The following EHBP1 variants were observed in gnomAD, a reference collection of about 807,000 sequenced individuals.
EHBP1 encodes EH domain-binding protein 1.
Under a neutral mutation model 144.0 loss-of-function variants are expected in EHBP1, and 55 were observed. The ratio of observed to expected loss-of-function variants is 0.38; its 90% CI spans 0.31 to 0.48. The LOEUF (loss-of-function observed/expected upper bound fraction) is 0.48. Ranked by LOEUF, EHBP1 falls within the 20% of genes least tolerant of loss-of-function variation. The probability of loss-of-function intolerance (pLI) is 0.98; values close to 1 mark genes in which losing one functional copy is unlikely to be tolerated. For missense variants in EHBP1, 1,200 were observed against 1,364.2 expected (o/e 0.88, Z 1.90); for synonymous variants, 469 against 472.7 (o/e 0.99, Z 0.10).
chr2:62,839,959 G>A (rs961741568), intron 7 of EHBP1, among the ~76,000 whole-genome samples: 32 of 152,244 alleles, frequency 2.1e-4, no homozygotes, highest in African/African-American at 7.7e-4. Flanking sequence ...AGGTACCAAT[G>A]ACTTTCTTCA....
Position 62,707,037 on chromosome 2 carries a change from ACAGG to A in EHBP1, c.-154_-151del. The A allele has an allele frequency of 1.7e-6, 1 of 604,368 alleles. No homozygotes were observed. Among genetic ancestry groups the A allele is most frequent in the Non-Finnish European group, 3.0e-6 (1 of 334,626 alleles). 37.4% of individuals were successfully genotyped at this position (604,368 alleles called of 1,614,324 possible). ...TCTAAGATGGGATTTACCCTGTGAAACAGGGAGAAGACTTATGGACCCCAAGCAT... is the reference window on the plus strand; with the variant it reads ...TCTAAGATGGGATTTACCCTGTGAAAGAGAAGACTTATGGACCCCAAGCAT... On this transcript the variant is annotated 5_prime_UTR_variant, in exon 2 of 23. Transcript: ENST00000431489.
chr2:62,794,721 T>C (rs765021125), intron 5 of EHBP1, among the ~76,000 whole-genome samples: 11 of 152,042 alleles, frequency 7.2e-5, no homozygotes, highest in Non-Finnish European at 1.5e-4. Flanking sequence ...TTTTATCATC[T>C]TACTGAAATT....
chr2:62,944,823 A>G (rs1342087914), intron 12 of EHBP1, among the ~76,000 whole-genome samples: 1 of 152,162 alleles, frequency 6.6e-6, no homozygotes. Context: ...AGAGGGAAGC[A>G]CCTAACTCAG....
At chr2:62,772,870 G>GC (rs1191443856) in intron 5 of EHBP1, among the ~76,000 whole-genome samples, 1 of 152,096 alleles carries the variant, frequency 6.6e-6, no homozygotes, top group African/African-American at 2.4e-5. Flanking sequence ...TTATTCCCTG[G>GC]CAGTAACTGG....
intron 2 of EHBP1, among the ~76,000 whole-genome samples, chr2:62,747,099 T>C (rs558586614): frequency 6.6e-6 from 1 of 152,068 alleles, no homozygotes. Context: ...GGAGAAGATA[T>C]GTGTGTGCTT....
Position 62,710,302 on chromosome 2 carries a change from TG to T in EHBP1, c.104+3008del, listed in dbSNP as rs201316054. 5.5e-3 allele frequency among the ~76,000 whole-genome samples: 841 copies of T among 152,194 alleles called. 4 individuals carry two copies. The highest frequency in any genetic ancestry group is 7.4e-3 in the Non-Finnish European group (506 of 67,974). On this transcript the variant is annotated intron_variant, in intron 2 of 22. Transcript: ENST00000431489. The stretch of plus-strand genomic sequence containing the variant: ...GGTAAAAGCTCTCTAATATATGACA[TG>T]AATCATTATGTATGAATACGTATTA...
chr2:62,680,841 C>G (rs182899398), intron 1 of EHBP1, among the ~76,000 whole-genome samples: 1 of 152,220 alleles, frequency 6.6e-6, no homozygotes, highest in Non-Finnish European at 1.5e-5. Flanking sequence ...TCGTTAGAAC[C>G]TAACTTTGGA....
intron 14 of EHBP1, among the ~76,000 whole-genome samples, chr2:62,970,425 C>T (rs1318685676): frequency 1.3e-5 from 2 of 151,754 alleles, no homozygotes; most frequent in African/African-American, 2.4e-5. Flanking sequence ...AAACAGAGTG[C>T]TTTTTTATGT....
chr2:63,038,886 C>T lies in EHBP1; in HGVS notation c.3277+70C>T, dbSNP rs190844131. The T allele has an allele frequency of 1.8e-5, 25 of 1,420,380 alleles. No homozygotes were observed. In the Admixed American group the frequency reaches 4.1e-4, roughly 23 times the overall value. The allele number at this position is 1,420,380 out of a possible 1,614,324, so 88.0% of individuals were successfully genotyped here. A position where few individuals can be genotyped will look rare whatever the true frequency, so the allele number is the denominator to read the frequency against. ...TCAAAGAGATTTAAAGAATATAATA[C>T]ACTTCTGGTCTTACTAGATCTGGTG... On this transcript the variant is annotated intron_variant, in intron 21 of 22. Transcript: ENST00000431489.
intron 5 of EHBP1, among the ~76,000 whole-genome samples, chr2:62,803,819 TGTA>T: frequency 6.6e-6 from 1 of 152,304 alleles, no homozygotes; most frequent in South Asian, 2.1e-4. Flanking sequence ...TGCGGTACAG[TGTA>T]GTGGATAAAT....
intron 7 of EHBP1, among the ~76,000 whole-genome samples, chr2:62,835,445 A>T (rs1424319055): frequency 6.6e-6 from 1 of 152,218 alleles, no homozygotes; most frequent in African/African-American, 2.4e-5. Flanking sequence ...AAATGAGTAA[A>T]CTTTTATTTC....
chr2:62,753,675 G>A (rs564106958), intron 3 of EHBP1, among the ~76,000 whole-genome samples: 9 of 152,186 alleles, frequency 5.9e-5, no homozygotes, highest in East Asian at 1.9e-4. Flanking sequence ...ACATAGTCCC[G>A]TATTTGTTGG....
intron 19 of EHBP1, among the ~76,000 whole-genome samples, chr2:62,999,139 A>C (rs565516011): frequency 1.8e-4 from 27 of 152,252 alleles, no homozygotes; most frequent in Admixed American, 7.2e-4. Flanking sequence ...GACAGGGGAA[A>C]TGACTCACTT....
chr2:62,942,507 G>A (rs150220446), intron 10 of EHBP1, among the ~76,000 whole-genome samples: 1 of 152,174 alleles, frequency 6.6e-6, no homozygotes, highest in South Asian at 2.1e-4. Flanking sequence ...TTGCATATCT[G>A]CATCCTTGTC....
At chr2:63,012,601 C>A (rs139811322) in intron 19 of EHBP1, among the ~76,000 whole-genome samples, 7 of 152,004 alleles carry the variant, frequency 4.6e-5, no homozygotes, top group Non-Finnish European at 8.8e-5. Context: ...AATGTGTGTG[C>A]CATATGTAGA....
chr2:62,980,723 A>G (rs2058926153), intron 15 of EHBP1, among the ~76,000 whole-genome samples: 1 of 151,962 alleles, frequency 6.6e-6, no homozygotes, highest in South Asian at 2.1e-4. Context: ...TCACGCCTGT[A>G]ATCCCAACAC....
At chr2:62,755,141 T>G (rs117945685) in intron 3 of EHBP1, among the ~76,000 whole-genome samples, 2 of 152,194 alleles carry the variant, frequency 1.3e-5, no homozygotes, top group East Asian at 3.9e-4. Context: ...CACCCCCACT[T>G]TTTTCTTTTG....
At chr2:62,977,525 C>CA (rs1333703898) in intron 14 of EHBP1, among the ~76,000 whole-genome samples, 1 of 152,088 alleles carries the variant, frequency 6.6e-6, no homozygotes, top group Non-Finnish European at 1.5e-5. Flanking sequence ...GCCCCTCAGC[C>CA]AAAAATGTTC....
At chr2:62,739,427 C>T (rs747334503) in intron 2 of EHBP1, among the ~76,000 whole-genome samples, 89 of 151,008 alleles carry the variant, frequency 5.9e-4, no homozygotes, top group Non-Finnish European at 9.3e-4. Flanking sequence ...TCCAGGGAAC[C>T]GGGTATATAA....
Sources: allele counts gnomAD v4.1 joint callset (sites outside exome capture counted in the v4.1 genomes callset), GRCh38; gene constraint gnomAD v4.1.1; transcripts MANE v1.5; gene names NCBI Gene and HGNC (gene_info 2026-07-23, HGNC 2026-07-21).